Variants in GCM1 observed in about 807,000 individuals in gnomAD.
The protein encoded by GCM1 is chorion-specific transcription factor GCMa.
A neutral mutation model predicts 25.7 loss-of-function variants in GCM1; 2 were observed. That is an observed-to-expected ratio of 0.08 (90% CI 0.03 to 0.24). The LOEUF (loss-of-function observed/expected upper bound fraction) is 0.24, where lower values mean the gene tolerates loss of function less well. Among genes scored for constraint, GCM1 ranks in the 10% least tolerant of loss-of-function variants. The probability of loss-of-function intolerance (pLI) is 1.00; values close to 1 mark genes in which losing one functional copy is unlikely to be tolerated. For missense variants in GCM1, 395 were observed against 538.7 expected (o/e 0.73, Z 2.64); for synonymous variants, 183 against 195.7 (o/e 0.94, Z 0.54).
chr6:53,136,631 G>C (rs2127509201), intron 2 of GCM1, among the ~76,000 whole-genome samples: 1 of 152,316 alleles, frequency 6.6e-6, no homozygotes. Flanking sequence ...AGAAGACCCA[G>C]TAGAGGTCAC....
intron 2 of GCM1, among the ~76,000 whole-genome samples, chr6:53,134,575 T>G (rs551574478): frequency 3.3e-4 from 50 of 152,308 alleles, no homozygotes; most frequent in African/African-American, 1.2e-3. Flanking sequence ...GTGAGTTCCA[T>G]CTGATTGACA....
chr6:53,145,161 A>T (rs1429067667), intron 2 of GCM1, among the ~76,000 whole-genome samples: 1 of 152,214 alleles, frequency 6.6e-6, no homozygotes. Flanking sequence ...TTAGACATGA[A>T]TCTGAGTTAA....
intron 2 of GCM1, among the ~76,000 whole-genome samples, chr6:53,142,487 CT>C (rs1476792849): frequency 6.6e-6 from 1 of 152,192 alleles, no homozygotes; most frequent in Non-Finnish European, 1.5e-5. Context: ...TGCTCTTTTT[CT>C]TTCTTCACAG....
At chr6:53,147,422 ATTG>A (rs869222624) in intron 1 of GCM1, among the ~76,000 whole-genome samples, 4 of 85,212 alleles carry the variant, frequency 4.7e-5, no homozygotes, top group East Asian at 3.0e-4. Context: ...TTTAGTTTTT[ATTG>A]TTTTTTTTTT....
chr6:53,129,215 T>C (rs1314320504), intron 5 of GCM1, among the ~76,000 whole-genome samples: 3 of 152,288 alleles, frequency 2.0e-5, no homozygotes, highest in Admixed American at 1.3e-4. Context: ...CATGAGTGTG[T>C]TTAAGATGTT....
intron 1 of GCM1, among the ~76,000 whole-genome samples, chr6:53,146,467 G>T (rs1009081391): frequency 6.6e-6 from 1 of 151,732 alleles, no homozygotes; most frequent in Non-Finnish European, 1.5e-5. Flanking sequence ...TGATCTACCC[G>T]CCTCGGACTC....
rs562432780 is a variant in GCM1 at position 53,130,975 on chromosome 6, A to C, written c.442-44T>G. On this transcript the variant is annotated intron_variant, in intron 4 of 5. Transcript: ENST00000259803. ...GTAGAAAGGAAATGATATAACACTAACTAGACTGTGTTTCATGGTGTATCA... is the reference window on the plus strand; with the variant it reads ...GTAGAAAGGAAATGATATAACACTACCTAGACTGTGTTTCATGGTGTATCA... The C allele has an allele frequency of 3.4e-5, 52 of 1,551,558 alleles. No homozygotes were observed. The South Asian group carries it at 5.2e-4, about 15-fold the overall frequency.
chr6:53,146,754 C>T (rs1763963451), intron 1 of GCM1, among the ~76,000 whole-genome samples: 1 of 152,172 alleles, frequency 6.6e-6, no homozygotes, highest in African/African-American at 2.4e-5. Flanking sequence ...CTGGTCTCTA[C>T]CCATTAGGTG....
chr6:53,147,585 C>A lies in GCM1; in HGVS notation c.-137+1169G>T, dbSNP rs143998181. ...CTGGGATTACAGGCACGCACCACCA[C>A]ACCCAGCTAATTTTTGTATTTTCAG... On this transcript the variant is annotated intron_variant, in intron 1 of 5. Coordinates refer to ENST00000259803, the MANE Select transcript of GCM1 (RefSeq NM_003643.4). 2.0e-4 allele frequency among the ~76,000 whole-genome samples: 30 copies of A among 151,876 alleles called. No individual in the cohort carries two copies. In the East Asian group the frequency reaches 5.6e-3, roughly 28 times the overall value.
In GCM1 at chr6:53,133,968, G is replaced by A. The variant is rs554468902; in HGVS notation, c.328+104C>T. On this transcript the variant is annotated intron_variant, in intron 3 of 5. Coordinates refer to ENST00000259803, the MANE Select transcript of GCM1 (RefSeq NM_003643.4). The stretch of plus-strand genomic sequence containing the variant: ...AGCCTTGGCTGCCACTACACTCCAG[G>A]GTGATGGTTTTGCCCTTGGGCGGTG... 4.4e-6 allele frequency: 5 copies of A among 1,128,632 alleles called. No individual in the cohort carries two copies. In the South Asian group the frequency reaches 7.3e-5, roughly 17 times the overall value. The allele number at this position is 1,128,632 out of a possible 1,614,324, so 69.9% of individuals were successfully genotyped here. A position where few individuals can be genotyped will look rare whatever the true frequency, so the allele number is the denominator to read the frequency against.
At chr6:53,129,996 C>T (rs1763701981) in intron 5 of GCM1, among the ~76,000 whole-genome samples, 2 of 152,034 alleles carry the variant, frequency 1.3e-5, no homozygotes, top group South Asian at 4.2e-4. Context: ...AGGGCTGTGA[C>T]CAGGTAGATT....
chr6:53,133,394 A>T (rs1244503798), intron 3 of GCM1, among the ~76,000 whole-genome samples: 2 of 151,682 alleles, frequency 1.3e-5, no homozygotes, highest in Non-Finnish European at 2.9e-5. Context: ...TCTTCACCAT[A>T]TTGGGCAGGC....
intron 1 of GCM1, among the ~76,000 whole-genome samples, chr6:53,146,462 T>C (rs774058435): frequency 6.6e-6 from 1 of 151,898 alleles, no homozygotes. Flanking sequence ...TCAAGTGATC[T>C]ACCCGCCTCG....
intron 2 of GCM1, among the ~76,000 whole-genome samples, chr6:53,138,161 T>G (rs1581852843): frequency 1.3e-5 from 2 of 151,398 alleles, no homozygotes; most frequent in African/African-American, 4.9e-5. Context: ...ACATGCCTGT[T>G]ATCCCAGTTA....
At position 53,134,112 on chromosome 6, in the gene GCM1, C is replaced by T. The variant is rs752648594; in HGVS notation, c.288G>A (p.Leu96=). The T allele has an allele frequency of 6.2e-7, 1 of 1,614,186 alleles. No homozygotes were observed. The highest frequency in any genetic ancestry group is 8.5e-7 in the Non-Finnish European group (1 of 1,180,036). The change falls in exon 3 of 6, where the codon CTG becomes CTA. Residue 96 remains leucine (L), a synonymous_variant. Transcript: ENST00000259803. ...CLAEEGRKIY[L]RPAICDKARQ... ...GGGCCTTGTCACAGATGGCAGGTCT[C>T]AGGTAGATCTTGCGCCCCTCCTCTG... is the stretch of plus-strand genomic sequence containing the variant.
At chr6:53,144,814 T>C (rs1328973465) in intron 2 of GCM1, among the ~76,000 whole-genome samples, 7 of 139,220 alleles carry the variant, frequency 5.0e-5, no homozygotes, top group African/African-American at 1.1e-4. Flanking sequence ...ACTTGGGAGG[T>C]TGAGGTGAGA....
rs773081660 is a variant in GCM1, at chr6:53,128,767, C to G, written c.750G>C (p.Leu250=). Residue 250 remains leucine, a synonymous_variant, in exon 6 of 6, where the codon CTG becomes CTC. Coordinates refer to ENST00000259803, the MANE Select transcript of GCM1 (RefSeq NM_003643.4). ...GGTCCACAGTGGAAGTCTGGTCAGT[C>G]AGATCTGTGATTCCTCCCAGACCAT... ...KSYGLGGITD[L]TDQTSTVDPM... The G allele has an allele frequency of 1.2e-6, 2 of 1,613,374 alleles. No homozygotes were observed. Among genetic ancestry groups the G allele is most frequent in the East Asian group, 2.2e-5 (1 of 44,874 alleles).
intron 2 of GCM1, among the ~76,000 whole-genome samples, chr6:53,136,388 CTT>C (rs1202126769): frequency 2.0e-5 from 3 of 152,216 alleles, no homozygotes; most frequent in African/African-American, 7.2e-5. Flanking sequence ...GGATATGAGT[CTT>C]AATGACATTC....
intron 2 of GCM1, among the ~76,000 whole-genome samples, chr6:53,137,557 G>A (rs1212858538): frequency 1.3e-5 from 2 of 152,120 alleles, no homozygotes; most frequent in African/African-American, 4.8e-5. Flanking sequence ...GGAGGCCAAG[G>A]CTGGAGGATT....
Sources: gnomAD v4.1 joint callset for allele counts (sites outside exome capture counted in the v4.1 genomes callset) on GRCh38, gnomAD v4.1.1 for gene constraint, MANE v1.5 for transcripts, NCBI Gene and HGNC (gene_info 2026-07-23, HGNC 2026-07-21) for gene names.